Variants in PPM1E observed in about 807,000 individuals in gnomAD.
The protein encoded by PPM1E is protein phosphatase 1E.
A neutral mutation model predicts 65.9 loss-of-function variants in PPM1E; 20 were observed. The observed-to-expected ratio is 0.30, with a 90% CI of 0.21 to 0.44. The LOEUF (loss-of-function observed/expected upper bound fraction) is 0.44, where lower values mean the gene tolerates loss of function less well. PPM1E is among the 20% of genes least tolerant of loss of function. PPM1E has a pLI of 1.00. For missense variants in PPM1E, 713 were observed against 953.1 expected, an observed-to-expected ratio of 0.75 and a Z score of 3.32; for synonymous variants, 352 against 374.9, an observed-to-expected ratio of 0.94 and a Z score of 0.70.
At chr17:58,796,551 T>TACAG (rs2050208429) in intron 1 of PPM1E, among the ~76,000 whole-genome samples, 1 of 152,226 alleles carries the variant, frequency 6.6e-6, no homozygotes, top group Non-Finnish European at 1.5e-5. Context: ...ATTACAGGCG[T>TACAG]GAGCCACTGT....
intron 1 of PPM1E, among the ~76,000 whole-genome samples, chr17:58,898,134 C>A (rs950291240): frequency 1.3e-5 from 2 of 151,868 alleles, no homozygotes; most frequent in African/African-American, 4.8e-5. Flanking sequence ...CACCTGAAAT[C>A]CCAGCTACTC....
At chr17:58,867,085 G>T (rs1189074886) in intron 1 of PPM1E, among the ~76,000 whole-genome samples, 10 of 152,130 alleles carry the variant, frequency 6.6e-5, no homozygotes, top group Non-Finnish European at 8.8e-5. Flanking sequence ...GGCTCAAGCA[G>T]TTCTCCTGCC....
chr17:58,781,541 T>TA (rs973947858), intron 1 of PPM1E, among the ~76,000 whole-genome samples: 12 of 152,250 alleles, frequency 7.9e-5, no homozygotes, highest in African/African-American at 2.9e-4. Flanking sequence ...ATTTTCGTCT[T>TA]AGATTGTAAG....
chr17:58,799,252 A>G (rs1221539641), intron 1 of PPM1E, among the ~76,000 whole-genome samples: 2 of 151,468 alleles, frequency 1.3e-5, no homozygotes, highest in Non-Finnish European at 2.9e-5. Flanking sequence ...TGACAGAATC[A>G]TGCTGTCTTA....
At chr17:58,808,517 T>C (rs2050336123) in intron 1 of PPM1E, among the ~76,000 whole-genome samples, 1 of 152,080 alleles carries the variant, frequency 6.6e-6, no homozygotes, top group South Asian at 2.1e-4. Context: ...TTCCTATGTA[T>C]TTATGTGTAC....
chr17:58,922,327 A>G (rs772441595), intron 1 of PPM1E, among the ~76,000 whole-genome samples: 11 of 152,110 alleles, frequency 7.2e-5, no homozygotes, highest in Non-Finnish European at 1.3e-4. Context: ...ATCATAGCTC[A>G]CTGCAACCTC....
At chr17:58,864,927 C>T (rs1220959032) in intron 1 of PPM1E, among the ~76,000 whole-genome samples, 2 of 152,010 alleles carry the variant, frequency 1.3e-5, no homozygotes, top group Non-Finnish European at 2.9e-5. Flanking sequence ...CAGAGCAAAA[C>T]TCCATCTCGA....
chr17:58,938,289 C>A (rs1490997236), intron 1 of PPM1E, among the ~76,000 whole-genome samples: 1 of 152,128 alleles, frequency 6.6e-6, no homozygotes, highest in Non-Finnish European at 1.5e-5. Flanking sequence ...ACTTTAAGCA[C>A]CTTTTCTAAG....
At chr17:58,774,787 G>A (rs1320107613) in intron 1 of PPM1E, among the ~76,000 whole-genome samples, 1 of 151,768 alleles carries the variant, frequency 6.6e-6, no homozygotes, top group Non-Finnish European at 1.5e-5. Flanking sequence ...CTTGGCTTAT[G>A]CATTATTGAA....
Position 58,982,787 on chromosome 17 carries a change from C to T in PPM1E, c.*1756C>T. 1.2e-6 allele frequency: 1 copy of T among 802,664 alleles called. No individual in the cohort carries two copies. The highest frequency in any genetic ancestry group is 2.0e-6 in the Non-Finnish European group (1 of 512,450). The allele number at this position is 802,664 out of a possible 1,614,324, so 49.7% of individuals were successfully genotyped here. On this transcript the variant is annotated 3_prime_UTR_variant, in exon 7 of 7. Transcript: ENST00000308249. Reference sequence around the variant, plus strand: ...ATGGTTGAAAAGGAGTCAACATGGCCCCAACTATAGTGCCGGAACCTTTTC... The same window carrying T: ...ATGGTTGAAAAGGAGTCAACATGGCTCCAACTATAGTGCCGGAACCTTTTC...
intron 1 of PPM1E, among the ~76,000 whole-genome samples, chr17:58,796,741 C>T (rs935081884): frequency 2.6e-5 from 4 of 152,174 alleles, no homozygotes; most frequent in Non-Finnish European, 5.9e-5. Context: ...TAATGTTTTA[C>T]TGTATTTGCT....
At chr17:58,802,633 G>A (rs1424059729) in intron 1 of PPM1E, among the ~76,000 whole-genome samples, 1 of 152,040 alleles carries the variant, frequency 6.6e-6, no homozygotes, top group East Asian at 1.9e-4. Context: ...ATTGGATTGT[G>A]TAGGTATTTT....
intron 1 of PPM1E, among the ~76,000 whole-genome samples, chr17:58,883,442 C>CTTTTCCAAAGAAAATTTT (rs2051226613): frequency 6.7e-6 from 1 of 150,054 alleles, no homozygotes; most frequent in African/African-American, 2.4e-5. Flanking sequence ...TTTCCAAATA[C>CTTTTCCAAAGAAAATTTT]AGGCTTTCTT....
chr17:58,916,556 G>A (rs1008576265), intron 1 of PPM1E, among the ~76,000 whole-genome samples: 1 of 152,022 alleles, frequency 6.6e-6, no homozygotes, highest in Admixed American at 6.5e-5. Context: ...AGCCCAAGAG[G>A]TTGAGGCTGC....
intron 1 of PPM1E, among the ~76,000 whole-genome samples, chr17:58,825,350 T>C (rs1345888024): frequency 6.6e-6 from 1 of 151,820 alleles, no homozygotes; most frequent in African/African-American, 2.4e-5. Flanking sequence ...CAGGAGGATC[T>C]TTTGAGCCCA....
intron 1 of PPM1E, among the ~76,000 whole-genome samples, chr17:58,784,637 G>A (rs545278830): frequency 2.0e-4 from 31 of 151,286 alleles, no homozygotes; most frequent in African/African-American, 6.3e-4. Context: ...CAATGCTCCT[G>A]CCTCAGCCTC....
At chr17:58,815,062 C>A (rs890987950) in intron 1 of PPM1E, among the ~76,000 whole-genome samples, 2 of 152,148 alleles carry the variant, frequency 1.3e-5, no homozygotes, top group African/African-American at 2.4e-5. Flanking sequence ...CCATTGAATT[C>A]TTGGGTAAAC....
chr17:58,865,682 C>G (rs2050994907), intron 1 of PPM1E, among the ~76,000 whole-genome samples: 1 of 152,202 alleles, frequency 6.6e-6, no homozygotes, highest in Non-Finnish European at 1.5e-5. Context: ...GACTGGGTGA[C>G]AGAAGGAGAC....
At chr17:58,933,905 G>A (rs1209013662) in intron 1 of PPM1E, among the ~76,000 whole-genome samples, 2 of 152,002 alleles carry the variant, frequency 1.3e-5, no homozygotes, top group Non-Finnish European at 2.9e-5. Flanking sequence ...GACCAGCCTG[G>A]CCAAGATGCT....
Sources: gnomAD v4.1 joint callset for allele counts (sites outside exome capture counted in the v4.1 genomes callset) on GRCh38, gnomAD v4.1.1 for gene constraint, MANE v1.5 for transcripts, NCBI Gene and HGNC (gene_info 2026-07-23, HGNC 2026-07-21) for gene names.